Variants in COG8 observed in about 807,000 individuals in gnomAD.
The protein encoded by COG8 is component of oligomeric golgi complex 8, also known as conserved oligomeric Golgi complex subunit 8.
In COG8, 45 loss-of-function variants were observed where a neutral mutation model predicts 46.5. That is an observed-to-expected ratio of 0.97 (90% CI 0.76 to 1.24). The LOEUF is 1.24. Among genes scored for constraint, COG8 ranks in the 50% most tolerant of loss-of-function variants. The probability of loss-of-function intolerance (pLI) is 0.00; values close to 1 mark genes in which losing one functional copy is unlikely to be tolerated. For missense variants in COG8, 793 were observed against 820.8 expected, an observed-to-expected ratio of 0.97 and a Z score of 0.41; for synonymous variants, 407 against 347.8, an observed-to-expected ratio of 1.17 and a Z score of -1.90.
In COG8 at chr16:69,339,517, C is replaced by G. The variant is rs563479275; in HGVS notation, c.36G>C (p.Thr12=). The G allele has an allele frequency of 8.7e-6, 14 of 1,607,456 alleles. No individual in the cohort carries two copies. In the African/African-American group the frequency reaches 1.6e-4, roughly 18 times the overall value. ...ATAATIPSVA[T]ATAAALGEVE... ...CCTCGCCGAGAGCCGCTGCTGTGGC[C>G]GTGGCTACCGATGGGATAGTCGCCG... The change falls in exon 1 of 6, where the codon ACG becomes ACC. Residue 12 remains threonine, a synonymous_variant. Transcript: ENST00000306875.
chr16:69,330,228 G>A (rs1309251440), intron 5 of COG8: 1 of 1,452,272 alleles, frequency 6.9e-7, no homozygotes, highest in Non-Finnish European at 9.0e-7. Context: ...ACCCCCAGCT[G>A]CGGCGCGCTT....
Position 69,329,146 on chromosome 16 carries a change from T to G in COG8, c.*60A>C, listed in dbSNP as rs1199741138. On this transcript the variant is annotated 3_prime_UTR_variant, in exon 6 of 6. Coordinates refer to ENST00000306875, the MANE Select transcript of COG8 (RefSeq NM_032382.5). ...GATGCGGGCTGCCCACCCGCTCGCC[T>G]GCCACACCACCTGTTCTCCATTGGG... is the stretch of plus-strand genomic sequence containing the variant. The G allele has an allele frequency of 1.2e-6, 2 of 1,608,408 alleles. No homozygotes were observed. The highest frequency in any genetic ancestry group is 2.7e-5 in the African/African-American group (2 of 74,786).
chr16:69,331,473 A>AAT (rs2011834560), intron 4 of COG8, among the ~76,000 whole-genome samples: 2 of 142,220 alleles, frequency 1.4e-5, no homozygotes, highest in Admixed American at 6.9e-5. Context: ...AAAAAAAAAA[A>AAT]AAAAGGAAAT....
chr16:69,329,688 A>G (rs918944586), intron 5 of COG8, among the ~76,000 whole-genome samples: 1 of 151,914 alleles, frequency 6.6e-6, no homozygotes, highest in African/African-American at 2.4e-5. Flanking sequence ...CACTTCTCCA[A>G]CTCCACCGTG....
chr16:69,331,031 C>T lies in COG8; in HGVS notation c.1647G>A (p.Gln549=). 1.2e-6 allele frequency: 2 copies of T among 1,613,754 alleles called. No individual in the cohort carries two copies. ...TTGGCAGGATAAAGGCGAGGGGCTC[C>T]TGAATGGCGCCGATGTTCACATGCC... ...NLGHVNIGAI[Q]EPLAFILPKR... Residue 549 remains glutamine (Q), a synonymous_variant, in exon 5 of 6, where the codon CAG becomes CAA. Transcript: ENST00000306875.
chr16:69,330,877 C>A lies in COG8; in HGVS notation c.1801G>T (p.Ala601Ser). ...AGPACPEGGR[A>S]ETQAEPPSVG... The stretch of plus-strand genomic sequence containing the variant: ...CTGGGCGGTTCGGCCTGCGTCTCCG[C>A]TCGCCCTCCCTCCGGGCAGGCTGGG... The change falls in exon 5 of 6, where the codon GCG becomes TCG. Residue 601 changes from alanine to serine, a missense_variant. Ala to Ser is a moderately conservative substitution (Grantham distance 99). Coordinates refer to ENST00000306875, the MANE Select transcript of COG8 (RefSeq NM_032382.5). 1 of 1,546,526 alleles carries A rather than the reference C, an allele frequency of 6.5e-7. No individual in the cohort carries two copies. Among genetic ancestry groups the A allele is most frequent in the Non-Finnish European group, 8.7e-7 (1 of 1,145,798 alleles).
At position 69,339,159 on chromosome 16, in the gene COG8, C is replaced by T; in HGVS notation, c.377+17G>A. 1 of 1,612,902 alleles carries T rather than the reference C, an allele frequency of 6.2e-7. No individual in the cohort carries two copies. The highest frequency in any genetic ancestry group is 2.2e-5 in the East Asian group (1 of 44,884). On this transcript the variant is annotated intron_variant, in intron 1 of 5. Transcript: ENST00000306875. Reference sequence around the variant, plus strand: ...TTTTACAGTTATAAAACCCCTTTAGCGCCAGGCGCGTCGCACCTGCAGCTC... The same window carrying T: ...TTTTACAGTTATAAAACCCCTTTAGTGCCAGGCGCGTCGCACCTGCAGCTC...
rs1240331674 is a variant in COG8 at position 69,327,092 on chromosome 16, A to G, written c.*2114T>C. ...CTAAAGACCCATGTTTTTAGCATCT[A>G]TGAGCTTTCTACAAATCTCCCCATT... On this transcript the variant is annotated 3_prime_UTR_variant, in exon 6 of 6. Transcript: ENST00000306875. The G allele has an allele frequency of 2.0e-5, 3 of 149,192 alleles. No homozygotes were observed. The highest frequency in any genetic ancestry group is 6.7e-5 in the Admixed American group (1 of 14,948). The allele number at this position is 149,192 out of a possible 1,614,324, so 9.2% of individuals were successfully genotyped here.
intron 3 of COG8, 66 bp downstream of exon 3, chr16:69,334,455 C>A: frequency 7.1e-7 from 1 of 1,401,582 alleles, no homozygotes; most frequent in African/African-American, 1.4e-5. Flanking sequence ...GGGTTTATTA[C>A]AAAAATCTGG....
At chr16:69,331,851 G>C (rs1013600181) in intron 4 of COG8, among the ~76,000 whole-genome samples, 1 of 152,146 alleles carries the variant, frequency 6.6e-6, no homozygotes, top group Non-Finnish European at 1.5e-5. Flanking sequence ...TACAGGGAAT[G>C]GGAAGCTATA....
chr16:69,335,269 AGCTGGATGTTGGTCCTCAGTT>A lies in COG8; in HGVS notation c.644_664del (p.Gln215_Gln221del). On this transcript the variant is annotated inframe_deletion, in exon 3 of 6. Transcript: ENST00000306875. ...GCCAATGACACGGAGGCAGGCAGGA[AGCTGGATGTTGGTCCTCAGTT>A]GCTGGATCAGCTGGCTCAGCATCAG... 1.2e-6 allele frequency: 2 copies of A among 1,613,468 alleles called. No individual in the cohort carries two copies. Among genetic ancestry groups the A allele is most frequent in the Admixed American group, 3.3e-5 (2 of 59,952 alleles).
intron 3 of COG8, among the ~76,000 whole-genome samples, chr16:69,333,687 A>G (rs1045464658): frequency 1.8e-4 from 27 of 152,218 alleles, no homozygotes; most frequent in Non-Finnish European, 1.5e-5. Context: ...GGGTAAGAAC[A>G]CAGACTCTGA....
Position 69,336,593 on chromosome 16 carries a change from A to T in COG8, c.497T>A (p.Val166Asp), listed in dbSNP as rs369750195. ...LEIPQLMDTC[V>D]RNSYYEEALE... ...GGCCTCTTCATAATAACTGTTCCGG[A>T]CACAGGTGTCCATGAGCTGAGGAAT... The change falls in exon 2 of 6, where the codon GTC (valine) becomes GAC (aspartate). Residue 166 changes from valine to aspartate, a missense_variant. By Grantham distance (152) the Val-to-Asp change is radical. Transcript: ENST00000306875. 2 of 1,614,040 alleles carry T rather than the reference A, an allele frequency of 1.2e-6. No individual in the cohort carries two copies. The highest frequency in any genetic ancestry group is 1.7e-6 in the Non-Finnish European group (2 of 1,180,036).
chr16:69,337,842 TCTC>T (rs1323320564), intron 1 of COG8, among the ~76,000 whole-genome samples: 1 of 151,848 alleles, frequency 6.6e-6, no homozygotes, highest in Non-Finnish European at 1.5e-5. Flanking sequence ...TTCAAGTAAT[TCTC>T]CTGCCTCAGC....
rs967398782 is a variant in COG8 at position 69,329,982 on chromosome 16, C to A, written c.*27-803G>T. 8.6e-6 allele frequency: 13 copies of A among 1,513,624 alleles called. No homozygotes were observed. The African/African-American group carries it at 1.3e-4, about 15-fold the overall frequency. 93.8% of individuals were successfully genotyped at this position (1,513,624 alleles called of 1,614,324 possible). ...CGCGCGCTGCTCCAGCAGCCCCGGT[C>A]CCCGCCGCCCGCACCTGAGATCTGC... is the stretch of plus-strand genomic sequence containing the variant. On this transcript the variant is annotated intron_variant, in intron 5 of 5. Transcript: ENST00000306875.
At position 69,330,022 on chromosome 16, in the gene COG8, G is replaced by A. The variant is rs569067535; in HGVS notation, c.*26+791C>T. ...CTGAGATCTGCACCGCCTGGAAGCG[G>A]GGCACGCAGGCCAGGAAGCCGGCGA... On this transcript the variant is annotated intron_variant, in intron 5 of 5. Transcript: ENST00000306875. The A allele has an allele frequency of 4.5e-6, 7 of 1,541,992 alleles. No individual in the cohort carries two copies. In the South Asian group the frequency reaches 7.2e-5, roughly 16 times the overall value.
intron 4 of COG8, 179 bp downstream of exon 4, chr16:69,332,535 C>CT: frequency 1.5e-6 from 1 of 688,370 alleles, no homozygotes; most frequent in Non-Finnish European, 2.5e-6. Flanking sequence ...TTGCCAGGGA[C>CT]TAAGGATGCT....
rs763397157 is a variant in COG8 at position 69,335,023 on chromosome 16, A to G, written c.911T>C (p.Met304Thr). 7 of 1,614,164 alleles carry G rather than the reference A, an allele frequency of 4.3e-6. No homozygotes were observed. The South Asian group carries it at 6.6e-5, about 15-fold the overall frequency. ...SDEDPLLPPAMGEHTVNESAI... is the reference protein window; with the variant it reads ...SDEDPLLPPATGEHTVNESAI... ...ACTCTCATTCACAGTGTGCTCACCC[A>G]TGGCAGGGGGCAGCAGTGGGTCCTC... Residue 304 changes from methionine (M) to threonine (T), a missense_variant, in exon 3 of 6, where the codon ATG (methionine) becomes ACG (threonine). Transcript: ENST00000306875.
chr16:69,330,741 G>A, intron 5 of COG8, 72 bp downstream of exon 5: 2 of 1,428,876 alleles, frequency 1.4e-6, no homozygotes, highest in South Asian at 1.5e-5. Flanking sequence ...GCGCCTTCCC[G>A]CCTCCCGAAC....
Sources: allele counts gnomAD v4.1 joint callset (sites outside exome capture counted in the v4.1 genomes callset), GRCh38; gene constraint gnomAD v4.1.1; transcripts MANE v1.5; gene names NCBI Gene and HGNC (gene_info 2026-07-23, HGNC 2026-07-21).